Variants in OSBPL7 observed in about 807,000 individuals in gnomAD.
OSBPL7 encodes oxysterol-binding protein-related protein 7.
A neutral mutation model predicts 115.8 loss-of-function variants in OSBPL7; 66 were observed. The ratio of observed to expected loss-of-function variants is 0.57; its 90% CI spans 0.47 to 0.70. The LOEUF (loss-of-function observed/expected upper bound fraction) is 0.70, where lower values mean the gene tolerates loss of function less well. Ranked by LOEUF, OSBPL7 falls within the 30% of genes least tolerant of loss-of-function variation. The probability of loss-of-function intolerance (pLI) is 0.00; values close to 1 mark genes in which losing one functional copy is unlikely to be tolerated. For synonymous variants in OSBPL7, 441 were observed against 439.2 expected (o/e 1.00, Z -0.05); for missense variants, 902 against 1,125.5 (o/e 0.80, Z 2.84).
At chr17:47,815,656 C>A (rs1006651294) in intron 12 of OSBPL7, 4 of 393,204 alleles carry the variant, frequency 1.0e-5, no homozygotes, top group Non-Finnish European at 1.8e-5. Context: ...CTGACACCTA[C>A]CCTGTGAGGT....
At chr17:47,819,310 G>A (rs1168094391) in intron 4 of OSBPL7, 2 of 579,902 alleles carry the variant, frequency 3.4e-6, no homozygotes, top group African/African-American at 1.9e-5. Flanking sequence ...TCTCTAAGAA[G>A]TCACAGATCA....
Position 47,813,681 on chromosome 17 carries a change from T to C in OSBPL7, c.1505A>G (p.Glu502Gly). The C allele has an allele frequency of 6.2e-7, 1 of 1,613,352 alleles. No homozygotes were observed. Among genetic ancestry groups the C allele is most frequent in the South Asian group, 1.1e-5 (1 of 91,088 alleles). The change falls in exon 15 of 23, where the codon GAG (glutamate) becomes GGG (glycine). Residue 502 changes from glutamate (E) to glycine (G), a missense_variant. This residue lies in a region of OSBPL7 where 667 missense variants were observed against 788.7 expected (regional missense o/e 0.85). Transcript: ENST00000007414. Reference protein sequence around the residue: ...SKVSMPVQLNEPLNTLQRLCE... With the variant: ...SKVSMPVQLNGPLNTLQRLCE... The stretch of plus-strand genomic sequence containing the variant: ...GAGCCGCTGCAGAGTGTTGAGCGGC[T>C]CGTTGAGCTGCACAGGCATTGACAC...
chr17:47,819,580 G>A (rs2033332889), intron 4 of OSBPL7, 149 bp downstream of exon 4: 1 of 892,096 alleles, frequency 1.1e-6, no homozygotes, highest in African/African-American at 1.6e-5. Flanking sequence ...CTATGGCCCA[G>A]GGATGTAACT....
At position 47,819,067 on chromosome 17, in the gene OSBPL7, A is replaced by G. The variant is rs543876710; in HGVS notation, c.288T>C (p.Asp96=). Residue 96 remains aspartate (D), a synonymous_variant, in exon 5 of 23, where the codon GAT becomes GAC. Transcript: ENST00000007414. Reference sequence around the variant, plus strand: ...TGATGGACATGACCGACAGCCGGACATCGATGGAGCCATGGAGCTTCCCCT... The same window carrying G: ...TGATGGACATGACCGACAGCCGGACGTCGATGGAGCCATGGAGCTTCCCCT... The part of the protein sequence containing the change: ...ITKGKLHGSI[D]VRLSVMSINK... 1.2e-6 allele frequency: 2 copies of G among 1,614,120 alleles called. No homozygotes were observed. The highest frequency in any genetic ancestry group is 1.3e-5 in the African/African-American group (1 of 75,044).
intron 12 of OSBPL7, chr17:47,815,854 TCA>T (rs1197178435): frequency 2.4e-6 from 1 of 424,628 alleles, no homozygotes; most frequent in African/African-American, 2.0e-5. Flanking sequence ...CCTTTGAGCC[TCA>T]GTTTTGTTAT....
At position 47,808,741 on chromosome 17, in the gene OSBPL7, T is replaced by C; in HGVS notation, c.2298-81A>G. On this transcript the variant is annotated intron_variant, in intron 21 of 22. Transcript: ENST00000007414. The surrounding 1 kb of genome is among the most constrained non-coding windows in gnomAD (Gnocchi z 6.1). ...CAAGGCCTCTGTCTCTGCCCAACTC[T>C]GTCCTCTAGACAAGCCCCACTTCTC... 1 of 1,605,446 alleles carries C rather than the reference T, an allele frequency of 6.2e-7. No individual in the cohort carries two copies.
intron 18 of OSBPL7, 65 bp downstream of exon 18, chr17:47,810,529 C>T (rs1187884618): frequency 1.5e-5 from 21 of 1,442,746 alleles, no homozygotes; most frequent in Middle Eastern, 1.8e-4. Context: ...CCTAAGGCCA[C>T]GCCCCCTCCA....
Position 47,820,323 on chromosome 17 carries a change from G to T in OSBPL7, c.-45C>A. ...CCCTGCTGGGGATGTAGAGCAGGGA[G>T]CAGGGTGGAAGGGGAAGGATGTCAC... On this transcript the variant is annotated 5_prime_UTR_variant, in exon 2 of 23. Transcript: ENST00000007414. 1 of 1,589,526 alleles carries T rather than the reference G, an allele frequency of 6.3e-7. No individual in the cohort carries two copies. The highest frequency in any genetic ancestry group is 8.6e-7 in the Non-Finnish European group (1 of 1,164,680).
intron 15 of OSBPL7, 83 bp from the exon 16 acceptor site, chr17:47,813,486 C>G (rs549207642): frequency 6.3e-7 from 1 of 1,598,462 alleles, no homozygotes; most frequent in East Asian, 2.2e-5. Flanking sequence ...TGGGGTGGAA[C>G]TTCAGCAATA....
At chr17:47,813,495 T>G in intron 15 of OSBPL7, 92 bp from the exon 16 acceptor site, 3 of 1,595,022 alleles carry the variant, frequency 1.9e-6, no homozygotes, top group East Asian at 4.5e-5. Flanking sequence ...ACTTCAGCAA[T>G]AAGGAACAGC....
Position 47,814,484 on chromosome 17 carries a change from C to T in OSBPL7, c.1351+37G>A, listed in dbSNP as rs1467477423. ...TGGACAAACCCTGTTTTTCCACCCG[C>T]CTCCCACCCCTCCCTGCCTGCCCAC... On this transcript the variant is annotated intron_variant, in intron 14 of 22. Transcript: ENST00000007414. 3.9e-6 allele frequency: 4 copies of T among 1,030,700 alleles called. No individual in the cohort carries two copies. In the Admixed American group the frequency reaches 7.1e-5, roughly 18 times the overall value. The allele number at this position is 1,030,700 out of a possible 1,614,324, so 63.8% of individuals were successfully genotyped here. A position where few individuals can be genotyped will look rare whatever the true frequency, so the allele number is the denominator to read the frequency against.
At position 47,819,035 on chromosome 17, in the gene OSBPL7, T is replaced by G; in HGVS notation, c.320A>C (p.Lys107Thr). 1 of 1,614,092 alleles carries G rather than the reference T, an allele frequency of 6.2e-7. No individual in the cohort carries two copies. Among genetic ancestry groups the G allele is most frequent in the Non-Finnish European group, 8.5e-7 (1 of 1,179,948 alleles). ...AGTGTCAAGGTCAATGCGCTGGGCC[T>G]TTTTGTTGATGGACATGACCGACAG... is the stretch of plus-strand genomic sequence containing the variant. ...VRLSVMSINK[K>T]AQRIDLDTED... Residue 107 changes from lysine (K) to threonine (T), a missense_variant, in exon 5 of 23, where the codon AAG (lysine) becomes ACG (threonine). By Grantham distance (78) the Lys-to-Thr change is moderately conservative (BLOSUM62 -1). Coordinates refer to ENST00000007414, the MANE Select transcript of OSBPL7 (RefSeq NM_145798.3).
At position 47,817,383 on chromosome 17, in the gene OSBPL7, A is replaced by T. The variant is rs758249330; in HGVS notation, c.599-24T>A. On this transcript the variant is annotated intron_variant, in intron 7 of 22. Coordinates refer to ENST00000007414, the MANE Select transcript of OSBPL7 (RefSeq NM_145798.3). ...CTCTGCGGGGAAAAAGAACAAGAACAAGAACACCATTCATTTTTTTTTTGA... is the reference window on the plus strand; with the variant it reads ...CTCTGCGGGGAAAAAGAACAAGAACTAGAACACCATTCATTTTTTTTTTGA... 23 of 1,533,178 alleles carry T rather than the reference A, an allele frequency of 1.5e-5. No individual in the cohort carries two copies. In the East Asian group the frequency reaches 5.2e-4, roughly 35 times the overall value. 95.0% of individuals were successfully genotyped at this position (1,533,178 alleles called of 1,614,324 possible).
chr17:47,818,332 C>G lies in OSBPL7; in HGVS notation c.535G>C (p.Gly179Arg), dbSNP rs1408202206. The G allele has an allele frequency of 6.2e-7, 1 of 1,614,200 alleles. No homozygotes were observed. The highest frequency in any genetic ancestry group is 1.7e-5 in the Admixed American group (1 of 60,028). ...CAGGAAGACACTTTCTCCCGCGGTC[C>G]AAGCCCAGGTAGGGCTGAGGCAGTA... ...AATASALPGL[G>R]PREKVSSWLR... Residue 179 changes from glycine (G) to arginine (R), a missense_variant, in exon 7 of 23, where the codon GGA becomes CGA. Coordinates refer to ENST00000007414, the MANE Select transcript of OSBPL7 (RefSeq NM_145798.3).
chr17:47,811,539 A>G (rs927544598), intron 16 of OSBPL7, among the ~76,000 whole-genome samples: 15 of 152,216 alleles, frequency 9.9e-5, no homozygotes, highest in Middle Eastern at 3.2e-3. Context: ...GCCAAAACAC[A>G]GACACGACCC....
chr17:47,813,319 C>A lies in OSBPL7; in HGVS notation c.1684G>T (p.Glu562Ter). 6.2e-7 allele frequency: 1 copy of A among 1,614,074 alleles called. No individual in the cohort carries two copies. The highest frequency in any genetic ancestry group is 8.5e-7 in the Non-Finnish European group (1 of 1,180,036). ...TCAGGCCGCTCACACTCGTAGGTCTCCCCCAGGACAGGGTTGAAGGGCTTG... is the reference window on the plus strand; with the variant it reads ...TCAGGCCGCTCACACTCGTAGGTCTACCCCAGGACAGGGTTGAAGGGCTTG... ...GCKPFNPVLG[E>*]TYECERPDRG... Residue 562 changes from glutamate (E) to a stop codon, truncating the protein, a stop_gained, in exon 16 of 23, where the codon GAG becomes TAG. Transcript: ENST00000007414. LOFTEE classifies it high-confidence loss of function.
intron 13 of OSBPL7, 122 bp downstream of exon 13, chr17:47,815,093 C>T (rs2033169709): frequency 3.0e-6 from 4 of 1,320,676 alleles, no homozygotes; most frequent in Non-Finnish European, 3.1e-6. Flanking sequence ...GGACATAGTC[C>T]CAGAGATAGC....
At position 47,809,108 on chromosome 17, in the gene OSBPL7, G is replaced by A. The variant is rs1399783514; in HGVS notation, c.2138C>T (p.Pro713Leu). The part of the protein sequence containing the change: ...GKWHEGLYRG[P>L]TPGGQCIWKP... The stretch of plus-strand genomic sequence containing the variant: ...CCAGATGCACTGGCCACCTGGCGTG[G>A]GTCCCCGGTACAGCCCCTCGTGCCA... The change falls in exon 20 of 23, where the codon CCC (proline) becomes CTC (leucine). Residue 713 changes from proline (P) to leucine (L), a missense_variant. Physicochemically the swap from Pro to Leu is moderately conservative, Grantham distance 98. Transcript: ENST00000007414. 1 of 1,614,114 alleles carries A rather than the reference G, an allele frequency of 6.2e-7. No homozygotes were observed. Among genetic ancestry groups the A allele is most frequent in the Admixed American group, 1.7e-5 (1 of 60,028 alleles).
At chr17:47,809,050 C>A in intron 20 of OSBPL7, 26 bp downstream of exon 20, 1 of 1,613,874 alleles carries the variant, frequency 6.2e-7, no homozygotes, top group Non-Finnish European at 8.5e-7. Flanking sequence ...CAGCCTCACC[C>A]AGCCCTCTGT....
Sources: gnomAD v4.1 joint callset for allele counts (sites outside exome capture counted in the v4.1 genomes callset) on GRCh38, gnomAD v4.1.1 for gene constraint, gnomAD v4.1.1 regional missense constraint, Gnocchi (gnomAD v3.1) non-coding constraint, MANE v1.5 for transcripts, NCBI Gene and HGNC (gene_info 2026-07-23, HGNC 2026-07-21) for gene names.